Variants in MPP7 observed in about 807,000 individuals in gnomAD.
MPP7 encodes the protein MAGUK p55 subfamily member 7.
In MPP7, 60 loss-of-function variants were observed where a neutral mutation model predicts 76.5. That is an observed-to-expected ratio of 0.78 (90% CI 0.64 to 0.97). The LOEUF is 0.97. Ranked by LOEUF, MPP7 falls within the 50% of genes least tolerant of loss-of-function variation. The pLI is 0.00. For synonymous variants in MPP7, 237 were observed against 244.5 expected (o/e 0.97, Z 0.29); for missense variants, 641 against 694.0 (o/e 0.92, Z 0.86).
chr10:28,262,248 T>A, intron 1 of MPP7, among the ~76,000 whole-genome samples: 1 of 63,844 alleles, frequency 1.6e-5, no homozygotes, highest in Non-Finnish European at 2.5e-5. Context: ...TATATACATA[T>A]ATATATATAT....
intron 1 of MPP7, among the ~76,000 whole-genome samples, chr10:28,290,793 A>G (rs1207362854): frequency 6.6e-6 from 1 of 152,136 alleles, no homozygotes. Flanking sequence ...TTCTTATTAA[A>G]CAAAAAGGAT....
chr10:28,307,382 A>C (rs1457415788), upstream of MPP7, among the ~76,000 whole-genome samples: 4 of 152,110 alleles, frequency 2.6e-5, no homozygotes, highest in Non-Finnish European at 5.9e-5. Flanking sequence ...TCTGAAGTGT[A>C]CCTCCTGACA....
At chr10:28,170,324 A>G (rs1489980858) in intron 3 of MPP7, among the ~76,000 whole-genome samples, 1 of 149,436 alleles carries the variant, frequency 6.7e-6, no homozygotes, top group East Asian at 2.0e-4. Context: ...CCTTTCCTCT[A>G]TTTTCTCTTT....
chr10:28,141,950 T>C (rs72803635), intron 5 of MPP7, among the ~76,000 whole-genome samples: 7,206 of 152,130 alleles, frequency 0.047, 242 homozygotes, highest in South Asian at 0.098. Context: ...ATAAATCAAA[T>C]TGTGAGAAAA....
At chr10:28,057,732 A>T (rs1215692759) in intron 15 of MPP7, 2 of 1,284,878 alleles carry the variant, frequency 1.6e-6, no homozygotes, top group Admixed American at 2.4e-5. Flanking sequence ...TTCTTGAAAC[A>T]CTTTTACTCC....
At chr10:28,147,785 C>G (rs571609454) in intron 4 of MPP7, among the ~76,000 whole-genome samples, 1 of 152,192 alleles carries the variant, frequency 6.6e-6, no homozygotes, top group African/African-American at 2.4e-5. Context: ...ATCAAGTAAT[C>G]GTATCAGCCA....
intron 12 of MPP7, among the ~76,000 whole-genome samples, chr10:28,079,595 T>C (rs1852664802): frequency 6.6e-6 from 1 of 152,180 alleles, no homozygotes; most frequent in African/African-American, 2.4e-5. Flanking sequence ...ATACATGCAC[T>C]GAAAGAATGA....
At chr10:28,092,544 T>C (rs1853356967) in intron 11 of MPP7, among the ~76,000 whole-genome samples, 1 of 151,612 alleles carries the variant, frequency 6.6e-6, no homozygotes, top group Non-Finnish European at 1.5e-5. Flanking sequence ...TTCTAGGTTG[T>C]AGGGAAAGCT....
In MPP7 at chr10:28,069,846, A is replaced by C; in HGVS notation, c.1130T>G (p.Val377Gly). ...TTTCAGTTCATTCAGCCCTACTCCC[A>C]CGGGACCTGAAAAACAGGGTAACAG... ...KYRLVVLVGP[V>G]GVGLNELKRK... Residue 377 changes from valine (V) to glycine (G), a missense_variant, in exon 13 of 17, where the codon GTG (valine) becomes GGG (glycine). Val to Gly is a moderately radical substitution (Grantham distance 109, BLOSUM62 -3). Coordinates refer to ENST00000683449, the MANE Select transcript of MPP7 (RefSeq NM_001318170.2). The C allele has an allele frequency of 6.2e-7, 1 of 1,613,516 alleles. No homozygotes were observed. Among genetic ancestry groups the C allele is most frequent in the Non-Finnish European group, 8.5e-7 (1 of 1,179,702 alleles).
chr10:28,228,124 A>G (rs1457724212), intron 2 of MPP7, among the ~76,000 whole-genome samples: 1 of 152,218 alleles, frequency 6.6e-6, no homozygotes, highest in African/African-American at 2.4e-5. Context: ...GAACTGTTGG[A>G]GGAAAAAAGC....
At chr10:28,180,818 C>G (rs1002071400) in intron 3 of MPP7, among the ~76,000 whole-genome samples, 3 of 152,202 alleles carry the variant, frequency 2.0e-5, no homozygotes, top group Admixed American at 6.5e-5. Context: ...GAAGAAGAGA[C>G]AGAGTGCACT....
intron 3 of MPP7, among the ~76,000 whole-genome samples, chr10:28,164,866 C>T (rs1836393628): frequency 6.6e-6 from 1 of 152,162 alleles, no homozygotes; most frequent in Admixed American, 6.5e-5. Flanking sequence ...ATGTATGTTG[C>T]TGTTTGGGTG....
At position 28,054,333 on chromosome 10, in the gene MPP7, T is replaced by C. The variant is rs1851469125; in HGVS notation, c.1552-89A>G. The C allele has an allele frequency of 1.3e-5, 10 of 770,260 alleles. No individual in the cohort carries two copies. The South Asian group carries it at 1.7e-4, about 13-fold the overall frequency. The allele number at this position is 770,260 out of a possible 1,614,324, so 47.7% of individuals were successfully genotyped here. On this transcript the variant is annotated intron_variant, in intron 16 of 16. Transcript: ENST00000683449. Reference sequence around the variant, plus strand: ...GCAAACATTCTACAATTGGTTTACCTAATGCTGTTCTGTGTTCAGTCTTTC... The same window carrying C: ...GCAAACATTCTACAATTGGTTTACCCAATGCTGTTCTGTGTTCAGTCTTTC...
chr10:28,193,006 G>C (rs1222343254), intron 3 of MPP7, among the ~76,000 whole-genome samples: 1 of 152,124 alleles, frequency 6.6e-6, no homozygotes, highest in Non-Finnish European at 1.5e-5. Flanking sequence ...CAATTCAATA[G>C]AAAAAGAATG....
intron 2 of MPP7, among the ~76,000 whole-genome samples, chr10:28,223,991 T>C (rs1036529935): frequency 6.6e-6 from 1 of 151,228 alleles, no homozygotes; most frequent in African/African-American, 2.4e-5. Flanking sequence ...AGGTCAGGAG[T>C]TCGAGACCAG....
At chr10:28,308,150 A>C (rs1841269712) in intron 2 of MPP7, among the ~76,000 whole-genome samples, 1 of 137,552 alleles carries the variant, frequency 7.3e-6, no homozygotes, top group South Asian at 2.6e-4. Flanking sequence ...GCAGGATTTA[A>C]ACTCCTTCAG....
rs114334613 is a variant in MPP7, at chr10:28,111,790, T to C, written c.952+7861A>G. Among the ~76,000 whole-genome samples the C allele has an allele frequency of 2.9e-3, 447 of 152,298 alleles. 1 individual carries two copies. The highest frequency in any genetic ancestry group is 9.9e-3 in the African/African-American group (410 of 41,566). ...ACTAAGAGGATAGCAATTTAAAAGT[T>C]AAATATGACTTCAGAGACTCGCTTT... is the stretch of plus-strand genomic sequence containing the variant. On this transcript the variant is annotated intron_variant, in intron 11 of 16. Coordinates refer to ENST00000683449, the MANE Select transcript of MPP7 (RefSeq NM_001318170.2).
At chr10:28,177,086 A>AAT (rs1836891917) in intron 3 of MPP7, among the ~76,000 whole-genome samples, 1 of 151,704 alleles carries the variant, frequency 6.6e-6, no homozygotes, top group Admixed American at 6.6e-5. Flanking sequence ...ACTAAAACTC[A>AAT]TCAAATATAC....
At chr10:28,058,404 G>T in intron 15 of MPP7, 91 bp downstream of exon 15, 2 of 599,692 alleles carry the variant, frequency 3.3e-6, no homozygotes, top group South Asian at 4.6e-5. Context: ...AAAGTGAGTT[G>T]ACTTCATATT....
Sources: gnomAD v4.1 joint callset for allele counts (sites outside exome capture counted in the v4.1 genomes callset) on GRCh38, gnomAD v4.1.1 for gene constraint, MANE v1.5 for transcripts, NCBI Gene and HGNC (gene_info 2026-07-23, HGNC 2026-07-21) for gene names.